Variants in PPP2R2D observed in about 807,000 individuals in gnomAD.
PPP2R2D encodes serine/threonine-protein phosphatase 2A 55 kDa regulatory subunit B delta isoform.
PPP2R2D carries 9 observed loss-of-function variants against 31.1 expected under a neutral mutation model. The observed-to-expected ratio is 0.29, with a 90% confidence interval of 0.17 to 0.51. The LOEUF (loss-of-function observed/expected upper bound fraction) is 0.51. Among genes scored for constraint, PPP2R2D ranks in the 20% least tolerant of loss-of-function variants. The pLI is 0.98. For missense variants in PPP2R2D, 391 were observed against 465.6 expected, an observed-to-expected ratio of 0.84 and a Z score of 1.48; for synonymous variants, 179 against 172.6, an observed-to-expected ratio of 1.04 and a Z score of -0.29.
In PPP2R2D at chr10:131,934,474, C is replaced by A; in HGVS notation, c.117C>A (p.Thr39=). The part of the protein sequence containing the change: ...EDVAEADIIS[T]VEFNYSGDLL... The stretch of plus-strand genomic sequence containing the variant: ...TGTTGACAGCGGACATCATTTCCAC[C>A]GTTGAGTTTAATTACTCTGGAGATC... The change falls in exon 3 of 9, where the codon ACC becomes ACA. Residue 39 remains threonine, a synonymous_variant. Coordinates refer to ENST00000455566, the MANE Select transcript of PPP2R2D (RefSeq NM_018461.5). 1 of 779,454 alleles carries A rather than the reference C, an allele frequency of 1.3e-6. No homozygotes were observed. The highest frequency in any genetic ancestry group is 1.4e-5 in the South Asian group (1 of 74,024). The allele number at this position is 779,454 out of a possible 1,614,324, so 48.3% of individuals were successfully genotyped here. A position where few individuals can be genotyped will look rare whatever the true frequency, so the allele number is the denominator to read the frequency against.
intron 2 of PPP2R2D, among the ~76,000 whole-genome samples, chr10:131,931,983 C>T (rs2036238440): frequency 6.7e-6 from 1 of 150,286 alleles, no homozygotes; most frequent in Admixed American, 6.6e-5. Flanking sequence ...GTGCCAGCCC[C>T]TTGCTGCCCC....
chr10:131,964,436 T>C (rs1554901913), downstream of PPP2R2D, among the ~76,000 whole-genome samples: 1 of 151,826 alleles, frequency 6.6e-6, no homozygotes, highest in African/African-American at 2.4e-5. Context: ...GCCCTTTTGT[T>C]GAGTGGCACT....
At position 131,940,840 on chromosome 10, in the gene PPP2R2D, A is replaced by G. The variant is rs1554897138; in HGVS notation, c.477+146A>G. The G allele has an allele frequency of 7.4e-6, 4 of 543,266 alleles. 1 individual carries two copies. Among genetic ancestry groups the G allele is most frequent in the Non-Finnish European group, 1.3e-5 (4 of 301,324 alleles). 33.7% of individuals were successfully genotyped at this position (543,266 alleles called of 1,614,324 possible). Reference sequence around the variant, plus strand: ...TGATTCCTGAAAGTCGTTTGCACTCATGTGTGTGTTTAAAAGCAAGGTCTT... The same window carrying G: ...TGATTCCTGAAAGTCGTTTGCACTCGTGTGTGTGTTTAAAAGCAAGGTCTT... On this transcript the variant is annotated intron_variant, in intron 5 of 8. Coordinates refer to ENST00000455566, the MANE Select transcript of PPP2R2D (RefSeq NM_018461.5).
the PPP2R2D span, chr10:131,968,242 T>C: frequency 4.1e-6 from 1 of 244,428 alleles, no homozygotes; most frequent in African/African-American, 2.2e-5. Context: ...TAAAATTATT[T>C]ATATTCAGAT....
At chr10:131,936,036 C>T (rs1356279623) in intron 3 of PPP2R2D, among the ~76,000 whole-genome samples, 1 of 151,784 alleles carries the variant, frequency 6.6e-6, no homozygotes, top group African/African-American at 2.4e-5. Context: ...GCACTCCAGC[C>T]TGGGCAACAA....
intron 8 of PPP2R2D, among the ~76,000 whole-genome samples, chr10:131,953,922 C>T (rs139888682): frequency 7.0e-4 from 107 of 152,272 alleles, no homozygotes; most frequent in African/African-American, 2.2e-3. Flanking sequence ...GTAACATTTG[C>T]TTAGTCCATT....
At chr10:131,937,040 C>T (rs782408794) in intron 3 of PPP2R2D, among the ~76,000 whole-genome samples, 1 of 152,210 alleles carries the variant, frequency 6.6e-6, no homozygotes, top group Non-Finnish European at 1.5e-5. Context: ...GACCCCAGCT[C>T]CCAGTTAGAA....
Position 131,927,425 on chromosome 10 carries a change from G to A in PPP2R2D, c.101-7033G>A, listed in dbSNP as rs1406598286. Reference sequence around the variant, plus strand: ...GGGTGCGCGGGTCGGACGGGTGCGCGGGTTGGAGTACAGGAGGCCCAGAGC... The same window carrying A: ...GGGTGCGCGGGTCGGACGGGTGCGCAGGTTGGAGTACAGGAGGCCCAGAGC... On this transcript the variant is annotated intron_variant, in intron 2 of 8. Coordinates refer to ENST00000455566, the MANE Select transcript of PPP2R2D (RefSeq NM_018461.5). 5.3e-5 allele frequency among the ~76,000 whole-genome samples: 8 copies of A among 152,282 alleles called. No homozygotes were observed. In the South Asian group the frequency reaches 8.3e-4, roughly 16 times the overall value.
At chr10:131,970,384 C>T in the PPP2R2D span, 2 of 553,008 alleles carry the variant, frequency 3.6e-6, no homozygotes, top group Non-Finnish European at 6.4e-6. The surrounding 1 kb of genome is among the most constrained non-coding windows in gnomAD (Gnocchi z 4.1). Flanking sequence ...GCTTTGACTC[C>T]GTTTATATTC....
Position 131,955,733 on chromosome 10 carries a change from G to A in PPP2R2D, c.1132G>A (p.Asp378Asn). The A allele has an allele frequency of 6.6e-7, 1 of 1,513,510 alleles. No homozygotes were observed. Among genetic ancestry groups the A allele is most frequent in the South Asian group, 1.3e-5 (1 of 74,792 alleles). The allele number at this position is 1,513,510 out of a possible 1,614,324, so 93.8% of individuals were successfully genotyped here. ...YNNFFRMFDR[D>N]TRRDVTLEAS... ...CAACTTCTTCAGGATGTTTGATAGA[G>A]ACACGCGGAGGGATGTGACCCTGGA... Residue 378 changes from aspartate (D) to asparagine (N), a missense_variant, in exon 9 of 9, where the codon GAC becomes AAC. Physicochemically the swap from Asp to Asn is conservative, Grantham distance 23. Coordinates refer to ENST00000455566, the MANE Select transcript of PPP2R2D (RefSeq NM_018461.5).
chr10:131,906,146 C>A (rs1362574479), intron 2 of PPP2R2D, among the ~76,000 whole-genome samples: 1 of 152,184 alleles, frequency 6.6e-6, no homozygotes, highest in Non-Finnish European at 1.5e-5. Flanking sequence ...ATGACTGCAA[C>A]CTGCTTACCT....
intron 2 of PPP2R2D, among the ~76,000 whole-genome samples, chr10:131,928,156 G>C (rs915773204): frequency 1.3e-5 from 2 of 152,216 alleles, no homozygotes; most frequent in Non-Finnish European, 2.9e-5. Context: ...CTGACAGCTA[G>C]GGAGGGTGGA....
chr10:131,943,717 G>C (rs2036483063), intron 5 of PPP2R2D, among the ~76,000 whole-genome samples: 1 of 152,230 alleles, frequency 6.6e-6, no homozygotes, highest in Admixed American at 6.5e-5. Flanking sequence ...TACCCTGCCA[G>C]CTGATCTTCT....
the PPP2R2D span, chr10:131,967,421 A>C: frequency 1.3e-5 from 2 of 152,228 alleles, no homozygotes; most frequent in African/African-American, 4.8e-5. Flanking sequence ...TATATAAAGG[A>C]ATTCTGATGT....
intron 2 of PPP2R2D, among the ~76,000 whole-genome samples, chr10:131,913,171 C>G (rs1325905436): frequency 6.7e-6 from 1 of 150,032 alleles, no homozygotes; most frequent in Admixed American, 6.7e-5. Context: ...AGGGATGCCA[C>G]CATGCCCGGC....
downstream of PPP2R2D, among the ~76,000 whole-genome samples, chr10:131,960,137 C>T (rs535668284): frequency 1.3e-5 from 2 of 152,394 alleles, no homozygotes; most frequent in South Asian, 4.1e-4. Flanking sequence ...CTGAGAGGCG[C>T]TGGCAATTCC....
intron 2 of PPP2R2D, among the ~76,000 whole-genome samples, chr10:131,905,080 G>T (rs1190749597): frequency 2.0e-5 from 3 of 151,426 alleles, no homozygotes; most frequent in Non-Finnish European, 4.4e-5. Flanking sequence ...CCATCCCCCT[G>T]CAGGTAGGAG....
Position 131,957,061 on chromosome 10 carries a change from A to T in PPP2R2D, c.*1098A>T, listed in dbSNP as rs1455621473. On this transcript the variant is annotated 3_prime_UTR_variant, in exon 9 of 9. Coordinates refer to ENST00000455566, the MANE Select transcript of PPP2R2D (RefSeq NM_018461.5). The stretch of plus-strand genomic sequence containing the variant: ...TTGATACCAGAAATCAAGATTTTCC[A>T]AGACAAATAATACAGAGCTGTACCA... 1 of 152,312 alleles carries T rather than the reference A, an allele frequency of 6.6e-6. No individual in the cohort carries two copies. Among genetic ancestry groups the T allele is most frequent in the African/African-American group, 2.4e-5 (1 of 41,456 alleles). 9.4% of individuals were successfully genotyped at this position (152,312 alleles called of 1,614,324 possible).
intron 2 of PPP2R2D, among the ~76,000 whole-genome samples, chr10:131,921,679 G>A (rs565088719): frequency 6.6e-6 from 1 of 152,216 alleles, no homozygotes; most frequent in East Asian, 1.9e-4. Flanking sequence ...ACTGGCTGCA[G>A]TGTGCGGAGG....
Sources: allele counts gnomAD v4.1 joint callset (sites outside exome capture counted in the v4.1 genomes callset), GRCh38; gene constraint gnomAD v4.1.1; non-coding constraint Gnocchi (gnomAD v3.1); transcripts MANE v1.5; gene names NCBI Gene and HGNC (gene_info 2026-07-23, HGNC 2026-07-21).